The following PSG2 variants were observed in gnomAD, a reference collection of about 807,000 sequenced individuals.
PSG2 encodes pregnancy-specific beta-1-glycoprotein 2.
PSG2 carries 49 observed loss-of-function variants against 36.2 expected under a neutral mutation model. That is an observed-to-expected ratio of 1.35 (90% CI 1.08 to 1.72). The LOEUF is 1.72. Among genes scored for constraint, PSG2 ranks in the 40% most tolerant of loss-of-function variants. The pLI is 0.00. For missense variants in PSG2, 605 were observed against 407.2 expected (o/e 1.49, Z -4.18); for synonymous variants, 261 against 155.6 (o/e 1.68, Z -5.04).
At chr19:43,066,007 T>C (rs539495890) in intron 5 of PSG2, 1 of 157,364 alleles carries the variant, frequency 6.4e-6, no homozygotes, top group Non-Finnish European at 1.4e-5. Flanking sequence ...GAAGTAGAGG[T>C]AAAGGAAGTG....
chr19:43,073,014 C>G (rs1323236263), intron 3 of PSG2, among the ~76,000 whole-genome samples: 2 of 151,754 alleles, frequency 1.3e-5, no homozygotes, highest in Non-Finnish European at 1.5e-5. Flanking sequence ...TCCTACTTTG[C>G]CCCCCTAGAT....
chr19:43,082,122 C>CTCTTTTTTTT (rs1967987456), intron 1 of PSG2: 5 of 67,938 alleles, frequency 7.4e-5, no homozygotes, highest in Non-Finnish European at 1.3e-4. Flanking sequence ...TTTCTTCTCT[C>CTCTTTTTTTT]TTTTTTTTTT....
At position 43,080,980 on chromosome 19, in the gene PSG2, T is replaced by C; in HGVS notation, c.331A>G (p.Asn111Asp). Residue 111 changes from asparagine to aspartate, a missense_variant, in exon 2 of 6, where the codon AAT (asparagine) becomes GAT (aspartate). Transcript: ENST00000406487. ...AYSNASLLIQNVTREDAGSYT... is the reference protein window; with the variant it reads ...AYSNASLLIQDVTREDAGSYT... ...GATCCTGCGTCCTCCCGGGTGACAT[T>C]CTGGATCAGCAGGGATGCATTGGAA... The C allele has an allele frequency of 6.2e-7, 1 of 1,613,088 alleles. No individual in the cohort carries two copies. The highest frequency in any genetic ancestry group is 8.5e-7 in the Non-Finnish European group (1 of 1,179,690).
intron 2 of PSG2, among the ~76,000 whole-genome samples, chr19:43,079,500 G>C (rs1967941325): frequency 6.6e-6 from 1 of 150,388 alleles, no homozygotes; most frequent in Admixed American, 6.6e-5. Context: ...TCCTTCATTT[G>C]TTATGTGAGA....
chr19:43,071,952 C>T lies in PSG2; in HGVS notation c.712G>A (p.Gly238Ser). 6.2e-7 allele frequency: 1 copy of T among 1,612,036 alleles called. No individual in the cohort carries two copies. Residue 238 changes from glycine to serine, a missense_variant and splice_region_variant, in exon 4 of 6, where the codon GGT becomes AGT. Coordinates refer to ENST00000406487, the MANE Select transcript of PSG2 (RefSeq NM_031246.4). ...GGGTGAATTCTGGGGAGGTCTGGACCATCTGGAGCAAAGAGAATAAAGCCA... is the reference window on the plus strand; with the variant it reads ...GGGTGAATTCTGGGGAGGTCTGGACTATCTGGAGCAAAGAGAATAAAGCCA... ...SDPVTLNLLH[G>S]PDLPRIHPSY...
intron 4 of PSG2, among the ~76,000 whole-genome samples, chr19:43,070,701 G>C (rs1174670078): frequency 6.6e-6 from 1 of 151,668 alleles, no homozygotes; most frequent in Non-Finnish European, 1.5e-5. Flanking sequence ...GAGGGAGAAG[G>C]AGTGAGAGTT....
chr19:43,066,290 G>A (rs191585341), intron 5 of PSG2, among the ~76,000 whole-genome samples: 1 of 151,640 alleles, frequency 6.6e-6, no homozygotes, highest in African/African-American at 2.4e-5. Flanking sequence ...TTGAATCTGA[G>A]AAACAAATGA....
At position 43,076,352 on chromosome 19, in the gene PSG2, G is replaced by T. The variant is rs181491530; in HGVS notation, c.431-720C>A. On this transcript the variant is annotated intron_variant, in intron 2 of 5. Coordinates refer to ENST00000406487, the MANE Select transcript of PSG2 (RefSeq NM_031246.4). ...TGATAGCTTCTGAACAAGACCATGT[G>T]CCCTGTTCTGGGTCCACAATGCTCC... 2.3e-3 allele frequency among the ~76,000 whole-genome samples: 343 copies of T among 151,836 alleles called. 9 individuals are homozygous for T. Among genetic ancestry groups the T allele is most frequent in the African/African-American group, 7.9e-3 (324 of 41,220 alleles).
chr19:43,068,465 AAAAAGAAAG>A (rs1225212013), intron 4 of PSG2, among the ~76,000 whole-genome samples: 3 of 142,060 alleles, frequency 2.1e-5, no homozygotes, highest in African/African-American at 8.9e-5. Context: ...CAAAAAAAAA[AAAAAGAAAG>A]AAAGAAAGAA....
rs1335710405 is a variant in PSG2 at position 43,068,466 on chromosome 19, A to AAAAAG, written c.965-1867_965-1866insCTTTT. Among the ~76,000 whole-genome samples, 567 of 147,090 alleles carry AAAAAG rather than the reference A, an allele frequency of 3.9e-3. 14 individuals carry two copies. The highest frequency in any genetic ancestry group is 0.014 in the African/African-American group (547 of 38,008). On this transcript the variant is annotated intron_variant, in intron 4 of 5. Coordinates refer to ENST00000406487, the MANE Select transcript of PSG2 (RefSeq NM_031246.4). ...CTCTCTCTTTTCAACAAAAAAAAAA[A>AAAAAG]AAAGAAAGAAAGAAAGAAAGAAAGA...
intron 2 of PSG2, among the ~76,000 whole-genome samples, chr19:43,078,775 C>G (rs1341310099): frequency 6.6e-6 from 1 of 151,642 alleles, no homozygotes; most frequent in East Asian, 1.9e-4. Flanking sequence ...CTACAAATCA[C>G]CATTTCAATA....
chr19:43,079,368 G>T lies in PSG2; in HGVS notation c.430+1513C>A, dbSNP rs991975851. The stretch of plus-strand genomic sequence containing the variant: ...GCTTTAGGGGCAAGAGGTAGTGGGG[G>T]GATGAAACATGGGTGTCAGCTTCTG... On this transcript the variant is annotated intron_variant, in intron 2 of 5. Transcript: ENST00000406487. Among the ~76,000 whole-genome samples, 14 of 151,404 alleles carry T rather than the reference G, an allele frequency of 9.2e-5. 1 individual carries two copies. Among genetic ancestry groups the T allele is most frequent in the Admixed American group, 3.9e-4 (6 of 15,226 alleles).
At chr19:43,081,575 A>G (rs1967976460) in intron 1 of PSG2, among the ~76,000 whole-genome samples, 1 of 151,436 alleles carries the variant, frequency 6.6e-6, no homozygotes, top group African/African-American at 2.4e-5. Context: ...ACATCAGGGT[A>G]TCCTAAGACT....
intron 4 of PSG2, among the ~76,000 whole-genome samples, chr19:43,071,008 C>T (rs1257088966): frequency 4.0e-5 from 6 of 151,772 alleles, no homozygotes; most frequent in East Asian, 1.9e-4. Context: ...TTCATACAAC[C>T]GCTGACTTCA....
chr19:43,074,837 ATCAATC>A (rs1967867947), intron 3 of PSG2, among the ~76,000 whole-genome samples: 1 of 151,708 alleles, frequency 6.6e-6, no homozygotes, highest in Non-Finnish European at 1.5e-5. Context: ...GGAACTTCCC[ATCAATC>A]AGCCAAGAAT....
At chr19:43,069,583 G>T (rs1446066325) in intron 4 of PSG2, among the ~76,000 whole-genome samples, 1 of 151,666 alleles carries the variant, frequency 6.6e-6, no homozygotes, top group African/African-American at 2.4e-5. Context: ...TTCATCGAGT[G>T]TGCCAAGATC....
chr19:43,071,313 A>G (rs1967812495), intron 4 of PSG2, among the ~76,000 whole-genome samples: 1 of 150,614 alleles, frequency 6.6e-6, no homozygotes, highest in South Asian at 2.1e-4. Flanking sequence ...TCAAAGCCTC[A>G]GATGTTCCTT....
chr19:43,073,833 A>T (rs1354725946), intron 3 of PSG2, among the ~76,000 whole-genome samples: 6 of 151,740 alleles, frequency 4.0e-5, no homozygotes, highest in Non-Finnish European at 7.4e-5. Context: ...CGGATTTCTG[A>T]CATTTTTTGA....
chr19:43,074,702 A>G (rs1280675025), intron 3 of PSG2, among the ~76,000 whole-genome samples: 6 of 151,868 alleles, frequency 4.0e-5, no homozygotes, highest in South Asian at 4.1e-4. Context: ...TCCACTTACC[A>G]GGGACTATGG....
Sources: allele counts gnomAD v4.1 joint callset (sites outside exome capture counted in the v4.1 genomes callset), GRCh38; gene constraint gnomAD v4.1.1; transcripts MANE v1.5; gene names NCBI Gene and HGNC (gene_info 2026-07-23, HGNC 2026-07-21).